The following PPT1 variants were observed in gnomAD, a reference collection of about 807,000 sequenced individuals.
PPT1 encodes palmitoyl-protein thioesterase 1, also known as ceroid-palmitoyl-palmitoyl-protein thioesterase 1.
Under a neutral mutation model 44.0 loss-of-function variants are expected in PPT1, and 24 were observed. The observed-to-expected ratio is 0.54, with a 90% CI of 0.39 to 0.77. PPT1 has a LOEUF of 0.77. Ranked by LOEUF, PPT1 falls within the 30% of genes least tolerant of loss-of-function variation. The probability of loss-of-function intolerance (pLI) is 0.00; values close to 1 mark genes in which losing one functional copy is unlikely to be tolerated. For missense variants in PPT1, 341 were observed against 378.8 expected, an observed-to-expected ratio of 0.90 and a Z score of 0.83; for synonymous variants, 148 against 140.2, an observed-to-expected ratio of 1.06 and a Z score of -0.39.
chr1:40,086,158 C>A (rs142709096), intron 5 of PPT1, among the ~76,000 whole-genome samples: 3 of 152,098 alleles, frequency 2.0e-5, no homozygotes, highest in Non-Finnish European at 2.9e-5. Context: ...TGAGCTGGTA[C>A]GGGGGAAGAC....
chr1:40,091,181 A>G (rs1459277290), intron 4 of PPT1, 148 bp downstream of exon 4: 1 of 838,950 alleles, frequency 1.2e-6, no homozygotes, highest in Non-Finnish European at 2.0e-6. Context: ...GTCTCCAGCA[A>G]TGCTGGCTAG....
chr1:40,092,814 G>A (rs989431368), intron 1 of PPT1, among the ~76,000 whole-genome samples: 3 of 129,186 alleles, frequency 2.3e-5, no homozygotes, highest in African/African-American at 5.6e-5. Flanking sequence ...CCAAAACCAC[G>A]ATGAGATACC....
At chr1:40,080,021 C>G (rs1480060247) in intron 6 of PPT1, among the ~76,000 whole-genome samples, 1 of 152,156 alleles carries the variant, frequency 6.6e-6, no homozygotes, top group Non-Finnish European at 1.5e-5. Flanking sequence ...CTGGGACATA[C>G]TCAGTGCCTA....
chr1:40,074,531 G>A (rs1039261657), intron 8 of PPT1, among the ~76,000 whole-genome samples: 4 of 150,108 alleles, frequency 2.7e-5, no homozygotes, highest in East Asian at 2.0e-4. Context: ...GCAGTGGTGC[G>A]ATCTCGGCTC....
chr1:40,081,059 C>T (rs1027205350), intron 5 of PPT1, among the ~76,000 whole-genome samples: 5 of 152,182 alleles, frequency 3.3e-5, no homozygotes, highest in Non-Finnish European at 7.3e-5. Context: ...TCTCCTGTGA[C>T]ACTGGGGTTT....
chr1:40,080,802 C>T (rs765129004), intron 5 of PPT1, among the ~76,000 whole-genome samples: 5 of 152,008 alleles, frequency 3.3e-5, no homozygotes, highest in Non-Finnish European at 5.9e-5. Context: ...AGAACCCCGG[C>T]GGCAGAGGTT....
chr1:40,073,083 T>C lies in PPT1; in HGVS notation c.*978A>G, dbSNP rs1648348969. 6.6e-6 allele frequency: 1 copy of C among 151,816 alleles called. No individual in the cohort carries two copies. Among genetic ancestry groups the C allele is most frequent in the South Asian group, 2.1e-4 (1 of 4,816 alleles). The allele number at this position is 151,816 out of a possible 1,614,324, so 9.4% of individuals were successfully genotyped here. ...TTGATCTCCAGAAGGAGAAAGGGAGTGTGTAGTATTTTCCAAGCTTTTTGA... is the reference window on the plus strand; with the variant it reads ...TTGATCTCCAGAAGGAGAAAGGGAGCGTGTAGTATTTTCCAAGCTTTTTGA... On this transcript the variant is annotated 3_prime_UTR_variant, in exon 9 of 9. Coordinates refer to ENST00000642050, the MANE Select transcript of PPT1 (RefSeq NM_000310.4).
In PPT1 at chr1:40,073,531, A is replaced by ATGCT. The variant is rs1553166029; in HGVS notation, c.*529_*530insAGCA. On this transcript the variant is annotated 3_prime_UTR_variant, in exon 9 of 9. Coordinates refer to ENST00000642050, the MANE Select transcript of PPT1 (RefSeq NM_000310.4). ...GATTTGTCTAATAATTGATGATAAGATGATAGCACAGAGGGCAACGTACTG... is the reference window on the plus strand; with the variant it reads ...GATTTGTCTAATAATTGATGATAAGATGCTTGATAGCACAGAGGGCAACGTACTG... 7 of 158,676 alleles carry ATGCT rather than the reference A, an allele frequency of 4.4e-5. No homozygotes were observed. The highest frequency in any genetic ancestry group is 9.8e-5 in the Non-Finnish European group (7 of 71,752). 9.8% of individuals were successfully genotyped at this position (158,676 alleles called of 1,614,324 possible). A position where few individuals can be genotyped will look rare whatever the true frequency, so the allele number is the denominator to read the frequency against.
intron 1 of PPT1, 132 bp from the exon 2 acceptor site, chr1:40,092,639 A>C: frequency 1.3e-6 from 1 of 771,462 alleles, no homozygotes; most frequent in Non-Finnish European, 2.3e-6. Context: ...TATTTGCAAA[A>C]CAGTTATCTG....
At chr1:40,077,761 G>A (rs961592749) in intron 7 of PPT1, among the ~76,000 whole-genome samples, 2 of 152,176 alleles carry the variant, frequency 1.3e-5, no homozygotes, top group Non-Finnish European at 2.9e-5. Context: ...GTCAGGTGGA[G>A]AAGCCAAGGA....
intron 5 of PPT1, among the ~76,000 whole-genome samples, chr1:40,084,691 A>G (rs1174632273): frequency 6.6e-6 from 1 of 152,280 alleles, no homozygotes; most frequent in African/African-American, 2.4e-5. Flanking sequence ...ACATGATTAT[A>G]TATGAATACC....
At chr1:40,079,180 T>C (rs1648792403) in intron 6 of PPT1, among the ~76,000 whole-genome samples, 1 of 152,180 alleles carries the variant, frequency 6.6e-6, no homozygotes, top group African/African-American at 2.4e-5. Flanking sequence ...GATTTCATTC[T>C]TTTTTATGAC....
chr1:40,091,394 G>GC lies in PPT1; in HGVS notation c.367dup (p.Ala123GlyfsTer39). The GC allele has an allele frequency of 6.2e-7, 1 of 1,613,348 alleles. No individual in the cohort carries two copies. The highest frequency in any genetic ancestry group is 8.5e-7 in the Non-Finnish European group (1 of 1,179,438). On this transcript the variant is annotated frameshift_variant, in exon 4 of 9. Transcript: ENST00000642050. LOFTEE classifies it high-confidence loss of function. ...AGGTGAAGGGCATCTCTGAGCCACTGCCCTCCTACGGAATAAAAGGGAGTT... is the reference window on the plus strand; with the variant it reads ...AGGTGAAGGGCATCTCTGAGCCACTGCCCCTCCTACGGAATAAAAGGGAGTT...
In PPT1 at chr1:40,094,826, G is replaced by A. The variant is rs142917483; in HGVS notation, c.124+2289C>T. Among the ~76,000 whole-genome samples the A allele has an allele frequency of 1.0e-3, 159 of 152,284 alleles. 4 individuals carry two copies. The South Asian group carries it at 0.018, about 18-fold the overall frequency. ...CTGAAAACAACGTTCTCCACACTGA[G>A]CTGTAATTGTAGGTTACTTAACTGC... On this transcript the variant is annotated intron_variant, in intron 1 of 8. Transcript: ENST00000642050.
downstream of PPT1, chr1:40,072,261 A>AT (rs1553165762): frequency 1.0e-5 from 3 of 289,820 alleles, no homozygotes; most frequent in Non-Finnish European, 1.7e-5. Context: ...GGAAAAAAAA[A>AT]AAAAAAAAAA....
In PPT1 at chr1:40,074,139, C is replaced by T. The variant is rs1337941065; in HGVS notation, c.843G>A (p.Val281=). The T allele has an allele frequency of 6.2e-7, 1 of 1,614,166 alleles. No individual in the cohort carries two copies. The highest frequency in any genetic ancestry group is 2.2e-5 in the East Asian group (1 of 44,884). The change falls in exon 9 of 9, where the codon GTG becomes GTA. Residue 281 remains valine (V), a synonymous_variant. Coordinates refer to ENST00000642050, the MANE Select transcript of PPT1 (RefSeq NM_000310.4). The stretch of plus-strand genomic sequence containing the variant: ...GATGGTCCCCTTCTGTAGCCAGAAA[C>T]ACTAGCTGTCCTGCATTGTCCATTT... The part of the protein sequence containing the change: ...LKEMDNAGQL[V]FLATEGDHLQ...
intron 5 of PPT1, among the ~76,000 whole-genome samples, chr1:40,080,726 T>G (rs1648888919): frequency 6.6e-6 from 1 of 152,034 alleles, no homozygotes; most frequent in African/African-American, 2.4e-5. Flanking sequence ...CTACAAAAAT[T>G]AGCCAGGCGC....
In PPT1 at chr1:40,092,839, A is replaced by G. The variant is rs4630120; in HGVS notation, c.125-332T>C. ...GATGAGATACCATTTCACACAGACTAGGATGTCTTTAATAATAATTTTTTA... is the reference window on the plus strand; with the variant it reads ...GATGAGATACCATTTCACACAGACTGGGATGTCTTTAATAATAATTTTTTA... On this transcript the variant is annotated intron_variant, in intron 1 of 8. Coordinates refer to ENST00000642050, the MANE Select transcript of PPT1 (RefSeq NM_000310.4). Among the ~76,000 whole-genome samples the G allele has an allele frequency of 0.65, 98,271 of 152,004 alleles. 32,536 individuals carry two copies. The highest frequency in any genetic ancestry group is 0.72 in the Non-Finnish European group (48,879 of 67,980).
chr1:40,073,609 T>G lies in PPT1; in HGVS notation c.*452A>C. ...TGCAGAAATAGCCAAGCAAGATTTT[T>G]CCAAGCACTGGTTAAATCACCAGCA... On this transcript the variant is annotated 3_prime_UTR_variant, in exon 9 of 9. Coordinates refer to ENST00000642050, the MANE Select transcript of PPT1 (RefSeq NM_000310.4). 1 of 182,638 alleles carries G rather than the reference T, an allele frequency of 5.5e-6. No homozygotes were observed. Among genetic ancestry groups the G allele is most frequent in the South Asian group, 1.1e-4 (1 of 9,496 alleles). The allele number at this position is 182,638 out of a possible 1,614,324, so 11.3% of individuals were successfully genotyped here. A position where few individuals can be genotyped will look rare whatever the true frequency, so the allele number is the denominator to read the frequency against.
Sources: gnomAD v4.1 joint callset for allele counts (sites outside exome capture counted in the v4.1 genomes callset) on GRCh38, gnomAD v4.1.1 for gene constraint, MANE v1.5 for transcripts, NCBI Gene and HGNC (gene_info 2026-07-23, HGNC 2026-07-21) for gene names.